Variants in SLC25A21 observed in about 807,000 individuals in gnomAD.
SLC25A21 encodes solute carrier family 25 member 21.
A neutral mutation model predicts 43.8 loss-of-function variants in SLC25A21; 47 were observed. That is an observed-to-expected ratio of 1.07 (90% confidence interval 0.85 to 1.37). The LOEUF (loss-of-function observed/expected upper bound fraction) is 1.37. Ranked by LOEUF, SLC25A21 falls within the 40% of genes most tolerant of loss-of-function variation. The probability of loss-of-function intolerance (pLI) is 0.00; values close to 1 mark genes in which losing one functional copy is unlikely to be tolerated. For synonymous variants in SLC25A21, 131 were observed against 121.3 expected, an observed-to-expected ratio of 1.08 and a Z score of -0.52; for missense variants, 352 against 350.2, an observed-to-expected ratio of 1.00 and a Z score of -0.04.
chr14:36,934,844 T>C (rs1271806100), intron 1 of SLC25A21, among the ~76,000 whole-genome samples: 2 of 152,156 alleles, frequency 1.3e-5, no homozygotes, highest in Non-Finnish European at 2.9e-5. Context: ...ACTTAGTATG[T>C]TTTCCAGGTA....
At chr14:36,715,805 G>A (rs1323522170) in intron 6 of SLC25A21, among the ~76,000 whole-genome samples, 2 of 152,198 alleles carry the variant, frequency 1.3e-5, no homozygotes, top group African/African-American at 2.4e-5. Flanking sequence ...TAAAAAAGCA[G>A]ATCCTTGGCT....
chr14:36,901,887 A>G (rs1018372973), intron 1 of SLC25A21, among the ~76,000 whole-genome samples: 1 of 152,182 alleles, frequency 6.6e-6, no homozygotes, highest in Non-Finnish European at 1.5e-5. Context: ...TCTGCATCAA[A>G]TGTCATCTTC....
chr14:36,781,263 A>G (rs1887050038), intron 3 of SLC25A21, among the ~76,000 whole-genome samples: 1 of 152,040 alleles, frequency 6.6e-6, no homozygotes, highest in Admixed American at 6.6e-5. Context: ...GTCTTATTTT[A>G]TAGTTTTTTT....
At chr14:36,886,425 G>A (rs530814495) in intron 1 of SLC25A21, among the ~76,000 whole-genome samples, 1 of 152,320 alleles carries the variant, frequency 6.6e-6, no homozygotes, top group South Asian at 2.1e-4. Context: ...AGTTTACCAT[G>A]TGCGTATATT....
At chr14:36,934,828 T>C (rs1057074911) in intron 1 of SLC25A21, among the ~76,000 whole-genome samples, 2 of 152,146 alleles carry the variant, frequency 1.3e-5, no homozygotes, top group African/African-American at 4.8e-5. Flanking sequence ...TTAATACTTA[T>C]TAAGCACTTA....
At chr14:36,778,975 T>TC (rs1449525312) in intron 3 of SLC25A21, among the ~76,000 whole-genome samples, 1 of 151,820 alleles carries the variant, frequency 6.6e-6, no homozygotes, top group African/African-American at 2.4e-5. Context: ...GCATTTATCC[T>TC]CCCCCCAATA....
Position 36,981,263 on chromosome 14 carries a change from T to G in SLC25A21, c.71-106259A>C, listed in dbSNP as rs923221334. Among the ~76,000 whole-genome samples the G allele has an allele frequency of 2.6e-4, 40 of 152,192 alleles. 1 individual carries two copies. Among genetic ancestry groups the G allele is most frequent in the African/African-American group, 8.7e-4 (36 of 41,446 alleles). ...TGGGACTGTAAACTAGTTCAATCAC[T>G]GTGGAAGACAGCGTGGCGATTCCTC... On this transcript the variant is annotated intron_variant, in intron 1 of 9. Transcript: ENST00000331299.
intron 1 of SLC25A21, among the ~76,000 whole-genome samples, chr14:37,083,375 T>C (rs1280911966): frequency 6.6e-6 from 1 of 152,210 alleles, no homozygotes; most frequent in African/African-American, 2.4e-5. Context: ...CATAGTTTTA[T>C]CTAATAATTA....
chr14:36,931,691 G>GAGC (rs1337900827), intron 1 of SLC25A21, among the ~76,000 whole-genome samples: 2 of 152,118 alleles, frequency 1.3e-5, no homozygotes, highest in Non-Finnish European at 1.5e-5. Context: ...AAGCAGAGAA[G>GAGC]AGCACTCAAG....
chr14:36,695,815 G>A (rs894818954), intron 7 of SLC25A21, among the ~76,000 whole-genome samples: 3 of 152,134 alleles, frequency 2.0e-5, no homozygotes, highest in African/African-American at 7.2e-5. Context: ...GGGCTGAGAC[G>A]ATGGGGTTTT....
intron 1 of SLC25A21, among the ~76,000 whole-genome samples, chr14:37,150,707 T>C (rs927940256): frequency 2.0e-5 from 3 of 152,180 alleles, no homozygotes; most frequent in Non-Finnish European, 2.9e-5. Flanking sequence ...AAGTACAGAA[T>C]AGTAATCTTA....
At chr14:36,846,282 G>A (rs907066527) in intron 2 of SLC25A21, among the ~76,000 whole-genome samples, 5 of 151,942 alleles carry the variant, frequency 3.3e-5, no homozygotes, top group Non-Finnish European at 7.4e-5. Context: ...GATATGACCA[G>A]AACAACGTAT....
At chr14:37,164,983 A>C (rs1964007234) in intron 1 of SLC25A21, among the ~76,000 whole-genome samples, 1 of 152,262 alleles carries the variant, frequency 6.6e-6, no homozygotes, top group Non-Finnish European at 1.5e-5. Flanking sequence ...ACTTGTTTCC[A>C]GAAAACTTTG....
intron 1 of SLC25A21, among the ~76,000 whole-genome samples, chr14:37,032,794 T>C (rs1961247216): frequency 6.6e-6 from 1 of 152,164 alleles, no homozygotes; most frequent in Non-Finnish European, 1.5e-5. Context: ...TACTATACTA[T>C]TCAGGAAAAT....
At chr14:36,749,710 C>T (rs906648226) in intron 3 of SLC25A21, among the ~76,000 whole-genome samples, 11 of 152,324 alleles carry the variant, frequency 7.2e-5, no homozygotes, top group Admixed American at 3.9e-4. Context: ...ATCACTCCAG[C>T]GCCTTTACAC....
intron 6 of SLC25A21, among the ~76,000 whole-genome samples, chr14:36,715,229 TAAG>T (rs2139195197): frequency 6.6e-6 from 1 of 152,286 alleles, no homozygotes; most frequent in East Asian, 1.9e-4. Flanking sequence ...CCTATAAAAA[TAAG>T]AAGTAATAGT....
chr14:36,760,793 G>C (rs1402649613), intron 3 of SLC25A21, among the ~76,000 whole-genome samples: 1 of 152,114 alleles, frequency 6.6e-6, no homozygotes, highest in Non-Finnish European at 1.5e-5. Context: ...CCAGGAGAGG[G>C]CTTTAGCTCC....
intron 1 of SLC25A21, among the ~76,000 whole-genome samples, chr14:36,911,189 A>G (rs758849832): frequency 5.3e-5 from 8 of 152,206 alleles, no homozygotes; most frequent in Non-Finnish European, 8.8e-5. Flanking sequence ...CACTACTGAA[A>G]CTGGCTTACT....
intron 9 of SLC25A21, among the ~76,000 whole-genome samples, chr14:36,680,937 T>A (rs1882222124): frequency 6.6e-6 from 1 of 152,200 alleles, no homozygotes; most frequent in African/African-American, 2.4e-5. Context: ...TTTTTCCCCA[T>A]GAGTTTTTGC....
Sources: gnomAD v4.1 joint callset for allele counts (sites outside exome capture counted in the v4.1 genomes callset) on GRCh38, gnomAD v4.1.1 for gene constraint, MANE v1.5 for transcripts, NCBI Gene and HGNC (gene_info 2026-07-23, HGNC 2026-07-21) for gene names.